TRHDE: variants seen among roughly 807,000 people sequenced by gnomAD.
The protein encoded by TRHDE is thyrotropin-releasing hormone-degrading ectoenzyme.
Under a neutral mutation model 125.7 loss-of-function variants are expected in TRHDE, and 72 were observed. The observed-to-expected ratio is 0.57, with a 90% CI of 0.47 to 0.70. The LOEUF (loss-of-function observed/expected upper bound fraction) is 0.70, where lower values mean the gene tolerates loss of function less well. Among genes scored for constraint, TRHDE ranks in the 30% least tolerant of loss-of-function variants. TRHDE has a pLI of 0.00. For synonymous variants in TRHDE, 509 were observed against 509.1 expected, an observed-to-expected ratio of 1.00 and a Z score of 0.00; for missense variants, 1,110 against 1,327.1, an observed-to-expected ratio of 0.84 and a Z score of 2.54.
intron 15 of TRHDE, among the ~76,000 whole-genome samples, chr12:72,625,527 A>G (rs1272569421): frequency 6.6e-6 from 1 of 151,910 alleles, no homozygotes; most frequent in Non-Finnish European, 1.5e-5. Context: ...TGCAACATAC[A>G]TAATACATGA....
intron 2 of TRHDE, among the ~76,000 whole-genome samples, chr12:72,230,718 C>T (rs182610493): frequency 1.3e-5 from 2 of 152,184 alleles, no homozygotes; most frequent in Admixed American, 1.3e-4. Context: ...AAAGACCCAT[C>T]GACCTTATCA....
At chr12:72,633,810 A>T (rs1873598711) in intron 15 of TRHDE, among the ~76,000 whole-genome samples, 1 of 152,130 alleles carries the variant, frequency 6.6e-6, no homozygotes, top group South Asian at 2.1e-4. Context: ...ATTTTATTAT[A>T]ATGCTTTAAA....
intron 3 of TRHDE, among the ~76,000 whole-genome samples, chr12:72,447,863 T>G (rs1240252379): frequency 1.3e-5 from 2 of 152,044 alleles, no homozygotes; most frequent in South Asian, 4.1e-4. Flanking sequence ...AGAACCATGC[T>G]CAGTAAAGAG....
chr12:72,273,006 C>T lies in TRHDE; in HGVS notation c.363C>T (p.Ala121=), dbSNP rs1180452751. ...GCGGGGCGAGTGCCACGCCAGGCGC[C>T]GACGGTGGCCCCTCAGGCTTTCCGG... is the stretch of plus-strand genomic sequence containing the variant. ...DECGASATPG[A]DGGPSGFPER... The change falls in exon 1 of 19, where the codon GCC becomes GCT. Residue 121 remains alanine, a synonymous_variant. Coordinates refer to ENST00000261180, the MANE Select transcript of TRHDE (RefSeq NM_013381.3). This position sits in a 1 kb window ranked among gnomAD's most constrained non-coding sequence, Gnocchi z 5.3. 16 of 1,544,028 alleles carry T rather than the reference C, an allele frequency of 1.0e-5. No homozygotes were observed. Among genetic ancestry groups the T allele is most frequent in the Non-Finnish European group, 1.3e-5 (15 of 1,150,888 alleles).
intron 2 of TRHDE, among the ~76,000 whole-genome samples, chr12:72,320,008 TA>T (rs1335897370): frequency 1.3e-5 from 2 of 152,156 alleles, no homozygotes; most frequent in Non-Finnish European, 1.5e-5. Context: ...ACTTCTGGCT[TA>T]AAAAATTATT....
intron 5 of TRHDE, among the ~76,000 whole-genome samples, chr12:72,489,648 A>G (rs1222521324): frequency 6.6e-6 from 1 of 151,936 alleles, no homozygotes; most frequent in Non-Finnish European, 1.5e-5. Context: ...AACTAGACAC[A>G]TAGACCAGTG....
chr12:72,599,534 T>C lies in TRHDE; in HGVS notation c.2322-19357T>C, dbSNP rs1043241326. 2.6e-5 allele frequency among the ~76,000 whole-genome samples: 4 copies of C among 152,310 alleles called. No individual in the cohort carries two copies. The East Asian group carries it at 7.7e-4, about 29-fold the overall frequency. On this transcript the variant is annotated intron_variant, in intron 12 of 18. Transcript: ENST00000261180. ...TATGCCTTCTTTTGAGAAATATCTG[T>C]TTATGTCCTTTGCCCACTTTGTAAT...
upstream of TRHDE, chr12:72,271,722 TACACACACGCACACACGCGC>T: frequency 2.7e-6 from 1 of 364,570 alleles, no homozygotes; most frequent in South Asian, 2.0e-5. Context: ...CCTGTGTATA[TACACACACGCACACACGCGC>T]ACACACATGC....
rs1003558820 is a variant in TRHDE at position 72,519,773 on chromosome 12, T to C, written c.1722+20138T>C. Among the ~76,000 whole-genome samples, 25 of 152,270 alleles carry C rather than the reference T, an allele frequency of 1.6e-4. No homozygotes were observed. In the East Asian group the frequency reaches 4.8e-3, roughly 29 times the overall value. On this transcript the variant is annotated intron_variant, in intron 6 of 18. Transcript: ENST00000261180. ...TTCTGTTTTTTCCCCATCTTTGTGG[T>C]TTTATCTACTTTTGGTCTTTGATGA... is the stretch of plus-strand genomic sequence containing the variant.
At chr12:72,372,873 G>A (rs1220653678) in intron 2 of TRHDE, among the ~76,000 whole-genome samples, 1 of 152,174 alleles carries the variant, frequency 6.6e-6, no homozygotes, top group African/African-American at 2.4e-5. Context: ...GGCGATGTGG[G>A]CTCTTTTTTG....
At chr12:72,272,055 C>G, upstream of TRHDE, 1 of 457,540 alleles carries the variant, frequency 2.2e-6, no homozygotes, top group Non-Finnish European at 4.4e-6. This position sits in a 1 kb window ranked among gnomAD's most constrained non-coding sequence, Gnocchi z 6.7. Flanking sequence ...CCACCTCGGC[C>G]ATCCTTTTCT....
chr12:72,634,641 T>G (rs989587848), intron 15 of TRHDE, among the ~76,000 whole-genome samples: 1 of 128,102 alleles, frequency 7.8e-6, no homozygotes, highest in African/African-American at 2.9e-5. Context: ...CCCAGTGCTA[T>G]CCCTCCCCCC....
In TRHDE at chr12:72,273,173, C is replaced by G; in HGVS notation, c.530C>G (p.Pro177Arg). The G allele has an allele frequency of 1.3e-6, 2 of 1,590,554 alleles. No individual in the cohort carries two copies. The highest frequency in any genetic ancestry group is 2.7e-5 in the African/African-American group (2 of 74,692). ...CCGCCGTCGGAGGAGGAGCGGGAGCCGTGGGAGCCGTGGACGCAGCTGCGC... is the reference window on the plus strand; with the variant it reads ...CCGCCGTCGGAGGAGGAGCGGGAGCGGTGGGAGCCGTGGACGCAGCTGCGC... ...AQPPSEEERE[P>R]WEPWTQLRLS... The change falls in exon 1 of 19, where the codon CCG becomes CGG. Residue 177 changes from proline (P) to arginine (R), a missense_variant. Physicochemically the swap from Pro to Arg is moderately radical, Grantham distance 103 (BLOSUM62 -2). Transcript: ENST00000261180. This position sits in a 1 kb window ranked among gnomAD's most constrained non-coding sequence, Gnocchi z 5.3.
At chr12:72,349,241 C>G (rs1295988997) in intron 2 of TRHDE, among the ~76,000 whole-genome samples, 2 of 152,146 alleles carry the variant, frequency 1.3e-5, no homozygotes, top group East Asian at 1.9e-4. Flanking sequence ...AATTCATTTG[C>G]TCATACAAAT....
At chr12:72,483,285 C>T (rs1424434210) in intron 5 of TRHDE, among the ~76,000 whole-genome samples, 1 of 151,826 alleles carries the variant, frequency 6.6e-6, no homozygotes, top group African/African-American at 2.4e-5. Context: ...TTACAGTTAG[C>T]CAGAATGAAG....
rs963832323 is a variant in TRHDE at position 72,323,852 on chromosome 12, A to AAG, written c.1188+36907_1188+36908dup. ...AGAGAGAAAGAGAGGGAGAGAGAGA[A>AAG]AGAGAGAGAGGTGGAAAGGAGAATC... On this transcript the variant is annotated intron_variant, in intron 2 of 18. Coordinates refer to ENST00000261180, the MANE Select transcript of TRHDE (RefSeq NM_013381.3). 1.6e-4 allele frequency among the ~76,000 whole-genome samples: 25 copies of AAG among 151,986 alleles called. No homozygotes were observed. The South Asian group carries it at 3.5e-3, about 21-fold the overall frequency.
chr12:72,278,719 G>C (rs1879584724), intron 1 of TRHDE, among the ~76,000 whole-genome samples: 1 of 152,068 alleles, frequency 6.6e-6, no homozygotes, highest in South Asian at 2.1e-4. Flanking sequence ...TCATATACCG[G>C]TTGGCCATTT....
chr12:72,508,095 G>C (rs1878431753), intron 6 of TRHDE, among the ~76,000 whole-genome samples: 1 of 152,344 alleles, frequency 6.6e-6, no homozygotes, highest in East Asian at 1.9e-4. Flanking sequence ...TGGGTGTCCA[G>C]GTGGAAATCT....
intron 3 of TRHDE, among the ~76,000 whole-genome samples, chr12:72,447,309 G>T (rs533479276): frequency 2.6e-5 from 4 of 152,078 alleles, no homozygotes; most frequent in South Asian, 2.1e-4. Context: ...AGATGTTCTT[G>T]GAAACCAATG....
Sources: allele counts gnomAD v4.1 joint callset (sites outside exome capture counted in the v4.1 genomes callset), GRCh38; gene constraint gnomAD v4.1.1; non-coding constraint Gnocchi (gnomAD v3.1); transcripts MANE v1.5; gene names NCBI Gene and HGNC (gene_info 2026-07-23, HGNC 2026-07-21).